Variants in PAX5 observed in about 807,000 individuals in gnomAD.
PAX5 encodes paired box 5, also known as paired box protein Pax-5.
In PAX5, 9 loss-of-function variants were observed where a neutral mutation model predicts 43.7. The ratio of observed to expected loss-of-function variants is 0.21; its 90% confidence interval spans 0.12 to 0.36. The LOEUF (loss-of-function observed/expected upper bound fraction) is 0.36. Among genes scored for constraint, PAX5 ranks in the 10% least tolerant of loss-of-function variants. The pLI is 1.00. For synonymous variants in PAX5, 228 were observed against 214.3 expected, an observed-to-expected ratio of 1.06 and a Z score of -0.56; for missense variants, 383 against 532.7, an observed-to-expected ratio of 0.72 and a Z score of 2.77.
At chr9:36,983,863 C>T (rs1341430588) in intron 5 of PAX5, among the ~76,000 whole-genome samples, 3 of 152,152 alleles carry the variant, frequency 2.0e-5, no homozygotes, top group Non-Finnish European at 4.4e-5. Context: ...GACTATCTTC[C>T]TAATTTGTCT....
In PAX5 at chr9:36,835,795, G is replaced by A. The variant is rs536546223; in HGVS notation, c.*4765C>T. On this transcript the variant is annotated 3_prime_UTR_variant, in exon 10 of 10. Coordinates refer to ENST00000358127, the MANE Select transcript of PAX5 (RefSeq NM_016734.3). ...AGGCCAAGACTGCAGAACTGGCCTC[G>A]TAGTGGGGCCACCGTGGAGCCGGTC... 1.1e-4 allele frequency: 26 copies of A among 233,326 alleles called. No individual in the cohort carries two copies. The highest frequency in any genetic ancestry group is 1.9e-4 in the Non-Finnish European group (23 of 118,106). 14.5% of individuals were successfully genotyped at this position (233,326 alleles called of 1,614,324 possible).
chr9:36,903,430 A>G (rs1268570584), intron 7 of PAX5, among the ~76,000 whole-genome samples: 6 of 152,236 alleles, frequency 3.9e-5, no homozygotes, highest in African/African-American at 1.4e-4. Flanking sequence ...TTGAAAGCAA[A>G]AGAACAGAAG....
chr9:37,022,141 C>T (rs915202570), intron 1 of PAX5, among the ~76,000 whole-genome samples: 1 of 152,102 alleles, frequency 6.6e-6, no homozygotes, highest in Non-Finnish European at 1.5e-5. Flanking sequence ...GAATATTTCC[C>T]AAAAACGTCC....
At chr9:36,869,918 G>A (rs1443873408) in intron 8 of PAX5, among the ~76,000 whole-genome samples, 5 of 140,814 alleles carry the variant, frequency 3.6e-5, no homozygotes, top group African/African-American at 1.4e-4. Flanking sequence ...ATGGATGGAT[G>A]GATGGATGGA....
At position 36,899,952 on chromosome 9, in the gene PAX5, G is replaced by A. The variant is rs745614593; in HGVS notation, c.911-17847C>T. 1.6e-4 allele frequency among the ~76,000 whole-genome samples: 25 copies of A among 152,300 alleles called. 1 individual carries two copies. The highest frequency in any genetic ancestry group is 2.8e-4 in the Non-Finnish European group (19 of 68,036). On this transcript the variant is annotated intron_variant, in intron 7 of 9. Transcript: ENST00000358127. Reference sequence around the variant, plus strand: ...CATTTAATGCTGCCTCAAATCCTGTGGAAATGGATGGGCTATGGGAGATAA... The same window carrying A: ...CATTTAATGCTGCCTCAAATCCTGTAGAAATGGATGGGCTATGGGAGATAA...
At chr9:36,988,679 AAAAAAAAG>A (rs914025177) in intron 5 of PAX5, among the ~76,000 whole-genome samples, 13 of 45,386 alleles carry the variant, frequency 2.9e-4, no homozygotes, top group Non-Finnish European at 6.2e-4. Flanking sequence ...AAAAAAAAAA[AAAAAAAAG>A]AGAGAGAGAG....
chr9:36,982,748 C>G (rs3018183), intron 5 of PAX5, among the ~76,000 whole-genome samples: 116,788 of 152,070 alleles, frequency 0.77, 44,933 homozygotes, highest in South Asian at 0.89. Context: ...AGCTTTCACA[C>G]CTCCACATCT....
intron 6 of PAX5, among the ~76,000 whole-genome samples, chr9:36,955,492 G>C (rs1833367844): frequency 1.3e-5 from 2 of 151,960 alleles, no homozygotes; most frequent in African/African-American, 2.4e-5. Context: ...CCTTCAGCTT[G>C]TGGGTAAAAC....
In PAX5 at chr9:36,946,394, G is replaced by A. The variant is rs559250675; in HGVS notation, c.780+20155C>T. Among the ~76,000 whole-genome samples, 30 of 152,314 alleles carry A rather than the reference G, an allele frequency of 2.0e-4. 1 individual carries two copies. The South Asian group carries it at 6.0e-3, about 31-fold the overall frequency. On this transcript the variant is annotated intron_variant, in intron 6 of 9. Transcript: ENST00000358127. ...CACTGAGAGATCAAGAGAAACCCGA[G>A]CAGCTGACCTCAGTGTGTAGTGCTG...
At chr9:36,944,150 C>G (rs1251674711) in intron 6 of PAX5, among the ~76,000 whole-genome samples, 1 of 152,198 alleles carries the variant, frequency 6.6e-6, no homozygotes, top group Non-Finnish European at 1.5e-5. Flanking sequence ...CACCACTGCA[C>G]TCCAGCCTGG....
At chr9:36,945,310 T>C (rs948530445) in intron 6 of PAX5, among the ~76,000 whole-genome samples, 4 of 152,162 alleles carry the variant, frequency 2.6e-5, no homozygotes, top group African/African-American at 7.2e-5. Flanking sequence ...GGCACAATCA[T>C]GACTCAGTGC....
intron 6 of PAX5, among the ~76,000 whole-genome samples, chr9:36,955,161 C>T (rs140725802): frequency 6.6e-6 from 1 of 152,066 alleles, no homozygotes; most frequent in African/African-American, 2.4e-5. Context: ...ATTTTCTAGT[C>T]TCTTTCAAAT....
chr9:36,954,421 A>C (rs1413704824), intron 6 of PAX5, among the ~76,000 whole-genome samples: 1 of 152,244 alleles, frequency 6.6e-6, no homozygotes, highest in East Asian at 1.9e-4. Context: ...GCAGTTCAGC[A>C]AGAGTCTGTG....
rs922830419 is a variant in PAX5 at position 36,956,853 on chromosome 9, G to A, written c.780+9696C>T. Reference sequence around the variant, plus strand: ...GAGTATGGCTGGTCTAGAGGCACCCGGCACTTCTAGAGATCTAGGGAGCAA... The same window carrying A: ...GAGTATGGCTGGTCTAGAGGCACCCAGCACTTCTAGAGATCTAGGGAGCAA... On this transcript the variant is annotated intron_variant, in intron 6 of 9. Transcript: ENST00000358127. 5.3e-5 allele frequency among the ~76,000 whole-genome samples: 8 copies of A among 152,060 alleles called. No individual in the cohort carries two copies. The East Asian group carries it at 5.8e-4, about 11-fold the overall frequency.
chr9:36,853,830 G>A (rs898476918), intron 8 of PAX5, among the ~76,000 whole-genome samples: 3 of 152,206 alleles, frequency 2.0e-5, no homozygotes, highest in Admixed American at 6.5e-5. Context: ...CTTCCCCTTC[G>A]CTCAAAGCTC....
At chr9:36,935,877 T>C (rs967604447) in intron 6 of PAX5, among the ~76,000 whole-genome samples, 1 of 152,142 alleles carries the variant, frequency 6.6e-6, no homozygotes, top group Non-Finnish European at 1.5e-5. Flanking sequence ...CCAACAGAGG[T>C]CCTACAGGTG....
rs573740350 is a variant in PAX5, at chr9:37,033,692, A to T, written c.46+294T>A. On this transcript the variant is annotated intron_variant, in intron 1 of 9. Coordinates refer to ENST00000358127, the MANE Select transcript of PAX5 (RefSeq NM_016734.3). ...ATCTTTTAAAAATACATATACTGTA[A>T]TGAACACACTGAGTCCCTTATATAA... 7.9e-5 allele frequency among the ~76,000 whole-genome samples: 12 copies of T among 152,308 alleles called. No homozygotes were observed. The South Asian group carries it at 2.1e-3, about 26-fold the overall frequency.
At chr9:37,025,667 A>G (rs920957076) in intron 1 of PAX5, among the ~76,000 whole-genome samples, 1 of 152,170 alleles carries the variant, frequency 6.6e-6, no homozygotes, top group African/African-American at 2.4e-5. Flanking sequence ...CTCATCTCAC[A>G]GGAGGCTGTG....
At chr9:36,994,338 G>T (rs566676625) in intron 5 of PAX5, among the ~76,000 whole-genome samples, 2 of 152,334 alleles carry the variant, frequency 1.3e-5, no homozygotes, top group East Asian at 3.9e-4. Context: ...CTTGGGCCAA[G>T]CCTGCGCCCT....
Sources: gnomAD v4.1 joint callset for allele counts (sites outside exome capture counted in the v4.1 genomes callset) on GRCh38, gnomAD v4.1.1 for gene constraint, MANE v1.5 for transcripts, NCBI Gene and HGNC (gene_info 2026-07-23, HGNC 2026-07-21) for gene names.